Variants in CHN2 observed in about 807,000 individuals in gnomAD.
CHN2 encodes beta-chimaerin.
A neutral mutation model predicts 56.3 loss-of-function variants in CHN2; 35 were observed. The observed-to-expected ratio is 0.62, with a 90% confidence interval of 0.47 to 0.82. The LOEUF is 0.82. Ranked by LOEUF, CHN2 falls within the 40% of genes least tolerant of loss-of-function variation. The pLI is 0.00. For synonymous variants in CHN2, 210 were observed against 212.8 expected (o/e 0.99, Z 0.12); for missense variants, 491 against 580.5 (o/e 0.85, Z 1.58).
At chr7:29,311,666 C>T (rs188944574) in intron 1 of CHN2, among the ~76,000 whole-genome samples, 4 of 152,340 alleles carry the variant, frequency 2.6e-5, no homozygotes, top group Admixed American at 2.0e-4. Flanking sequence ...TTTCACTTGT[C>T]TCTCTTCCCC....
At chr7:29,240,742 A>C (rs1040652005) in intron 1 of CHN2, among the ~76,000 whole-genome samples, 3 of 141,086 alleles carry the variant, frequency 2.1e-5, no homozygotes, top group African/African-American at 9.2e-5. Flanking sequence ...GGGCTGTCAA[A>C]CAAGGTGTGG....
intron 1 of CHN2, among the ~76,000 whole-genome samples, chr7:29,256,998 G>A (rs1012090103): frequency 4.6e-5 from 7 of 152,120 alleles, no homozygotes; most frequent in African/African-American, 1.2e-4. Context: ...AATACATCCC[G>A]AGTAAGGCAA....
chr7:29,220,069 T>C (rs1011756199), intron 1 of CHN2, among the ~76,000 whole-genome samples: 6 of 145,854 alleles, frequency 4.1e-5, no homozygotes, highest in Non-Finnish European at 6.0e-5. Context: ...AGCAAGACTC[T>C]GTCTCAAAAA....
intron 6 of CHN2, among the ~76,000 whole-genome samples, chr7:29,462,843 C>T (rs1369060225): frequency 6.6e-6 from 1 of 151,634 alleles, no homozygotes; most frequent in African/African-American, 2.4e-5. Flanking sequence ...TATACATGTG[C>T]CATGTTGGTG....
intron 1 of CHN2, among the ~76,000 whole-genome samples, chr7:29,284,009 C>T (rs1015819383): frequency 3.6e-5 from 5 of 138,324 alleles, no homozygotes; most frequent in East Asian, 2.2e-4. Context: ...CAGGTTCAAG[C>T]GATTCTCCTG....
intron 6 of CHN2, among the ~76,000 whole-genome samples, chr7:29,423,363 C>T (rs1455519007): frequency 1.3e-5 from 2 of 152,180 alleles, no homozygotes; most frequent in Non-Finnish European, 2.9e-5. Flanking sequence ...TGTCCAAAGC[C>T]CACATCCAGT....
intron 1 of CHN2, among the ~76,000 whole-genome samples, chr7:29,294,692 C>T (rs923759825): frequency 6.6e-6 from 1 of 152,204 alleles, no homozygotes; most frequent in South Asian, 2.1e-4. Context: ...GCCTACTGTA[C>T]AGGTAGAAAT....
intron 1 of CHN2, among the ~76,000 whole-genome samples, chr7:29,340,281 G>A (rs1015204356): frequency 1.3e-5 from 2 of 151,944 alleles, no homozygotes; most frequent in African/African-American, 4.8e-5. Context: ...TTTGAATTAA[G>A]TGTTATGAGT....
At chr7:29,298,819 A>G (rs1024142165) in intron 1 of CHN2, among the ~76,000 whole-genome samples, 1 of 152,174 alleles carries the variant, frequency 6.6e-6, no homozygotes, top group South Asian at 2.1e-4. Flanking sequence ...TTAATGACAA[A>G]TGTATGATAA....
intron 7 of CHN2, among the ~76,000 whole-genome samples, chr7:29,486,599 AG>A (rs912944925): frequency 2.8e-4 from 42 of 152,244 alleles, no homozygotes; most frequent in African/African-American, 9.9e-4. Flanking sequence ...GCCTTTCAAA[AG>A]CATCCCATCA....
chr7:29,489,030 T>A (rs1788363024), intron 7 of CHN2, among the ~76,000 whole-genome samples: 1 of 152,194 alleles, frequency 6.6e-6, no homozygotes, highest in Admixed American at 6.5e-5. Context: ...AAAACATATC[T>A]GGTATAAAAC....
At chr7:29,508,969 A>T (rs1790950814) in intron 11 of CHN2, among the ~76,000 whole-genome samples, 1 of 152,110 alleles carries the variant, frequency 6.6e-6, no homozygotes, top group Non-Finnish European at 1.5e-5. Context: ...TATTTCTAGC[A>T]AATCTAGTGT....
intron 5 of CHN2, among the ~76,000 whole-genome samples, chr7:29,399,745 C>T (rs1038223476): frequency 2.0e-5 from 3 of 152,174 alleles, no homozygotes; most frequent in Non-Finnish European, 2.9e-5. Flanking sequence ...TTCCAAGTTG[C>T]AACATGTCTA....
chr7:29,506,075 A>C (rs145146907), intron 10 of CHN2, among the ~76,000 whole-genome samples: 1 of 152,354 alleles, frequency 6.6e-6, no homozygotes, highest in African/African-American at 2.4e-5. Flanking sequence ...TATCTAAAAA[A>C]TGTCATAGTC....
intron 1 of CHN2, 117 bp from the exon 2 acceptor site, chr7:29,354,508 C>T: frequency 1.2e-6 from 1 of 831,684 alleles, no homozygotes; most frequent in East Asian, 2.7e-5. Context: ...AGAAGAGAGT[C>T]CCCCTGAGAC....
upstream of CHN2, chr7:29,194,399 A>C (rs1429662431): frequency 6.6e-6 from 1 of 152,228 alleles, no homozygotes; most frequent in Non-Finnish European, 1.5e-5. Context: ...CCCCCGAGCG[A>C]CCGCGTCTCC....
chr7:29,167,815 T>A (rs937318503), intron 2 of CHN2, among the ~76,000 whole-genome samples: 1 of 152,232 alleles, frequency 6.6e-6, no homozygotes, highest in Non-Finnish European at 1.5e-5. Context: ...TAAATCCTTG[T>A]TATGAGTGAG....
At chr7:29,255,603 T>C (rs1789009368) in intron 1 of CHN2, among the ~76,000 whole-genome samples, 1 of 152,230 alleles carries the variant, frequency 6.6e-6, no homozygotes, top group Non-Finnish European at 1.5e-5. Flanking sequence ...ATACAGGCAA[T>C]GGGACAACTG....
chr7:29,303,952 C>G (rs1020240308), intron 1 of CHN2, among the ~76,000 whole-genome samples: 11 of 151,932 alleles, frequency 7.2e-5, no homozygotes, highest in African/African-American at 2.7e-4. Flanking sequence ...CTCAGCTACT[C>G]GAGAGGCTGA....
Sources: gnomAD v4.1 joint callset for allele counts (sites outside exome capture counted in the v4.1 genomes callset) on GRCh38, gnomAD v4.1.1 for gene constraint, MANE v1.5 for transcripts, NCBI Gene and HGNC (gene_info 2026-07-23, HGNC 2026-07-21) for gene names.